The following MAD1L1 variants were observed in gnomAD, a reference collection of about 807,000 sequenced individuals.
The protein encoded by MAD1L1 is mitotic arrest deficient 1 like 1.
Under a neutral mutation model 96.9 loss-of-function variants are expected in MAD1L1, and 95 were observed. The ratio of observed to expected loss-of-function variants is 0.98; its 90% CI spans 0.83 to 1.16. MAD1L1 has a LOEUF of 1.16. Ranked by LOEUF, MAD1L1 falls within the 50% of genes most tolerant of loss-of-function variation. MAD1L1 has a pLI of 0.00. For missense variants in MAD1L1, 1,007 were observed against 954.4 expected, an observed-to-expected ratio of 1.06 and a Z score of -0.73; for synonymous variants, 473 against 396.6, an observed-to-expected ratio of 1.19 and a Z score of -2.29.
chr7:2,037,740 G>T (rs540193181), intron 12 of MAD1L1, among the ~76,000 whole-genome samples: 3 of 152,226 alleles, frequency 2.0e-5, no homozygotes, highest in African/African-American at 7.2e-5. Context: ...AACGCTGCTT[G>T]TGTCTGGCTG....
chr7:2,104,468 C>T (rs1786983003), intron 11 of MAD1L1, among the ~76,000 whole-genome samples: 2 of 152,356 alleles, frequency 1.3e-5, no homozygotes, highest in African/African-American at 4.8e-5. Context: ...CTGGTGCCTA[C>T]AGGGGGCGGC....
At chr7:2,003,029 T>C (rs1002461412) in intron 13 of MAD1L1, among the ~76,000 whole-genome samples, 10 of 150,966 alleles carry the variant, frequency 6.6e-5, no homozygotes, top group African/African-American at 9.7e-5. Context: ...GCAGGGGGCC[T>C]TGTGAGACCC....
At chr7:2,072,204 C>T (rs542723630) in intron 11 of MAD1L1, among the ~76,000 whole-genome samples, 1 of 152,346 alleles carries the variant, frequency 6.6e-6, no homozygotes, top group South Asian at 2.1e-4. Context: ...CAGAACAGAA[C>T]TGAGTGAGAC....
At chr7:1,942,759 C>A (rs1779060434) in intron 16 of MAD1L1, among the ~76,000 whole-genome samples, 1 of 152,184 alleles carries the variant, frequency 6.6e-6, no homozygotes, top group Non-Finnish European at 1.5e-5. Context: ...CTCAGCCGGC[C>A]TCCCTGAAGA....
At chr7:2,073,195 C>T (rs561272229) in intron 11 of MAD1L1, among the ~76,000 whole-genome samples, 12 of 152,314 alleles carry the variant, frequency 7.9e-5, no homozygotes, top group East Asian at 1.9e-4. Context: ...CATATCCCTC[C>T]GCCACTGCTT....
intron 12 of MAD1L1, among the ~76,000 whole-genome samples, chr7:2,061,567 G>A (rs374968378): frequency 1.9e-4 from 29 of 152,300 alleles, no homozygotes; most frequent in African/African-American, 6.7e-4. Flanking sequence ...GGAGGGACCA[G>A]CACCATCCAC....
At chr7:1,870,242 T>C (rs1562475086) in intron 18 of MAD1L1, among the ~76,000 whole-genome samples, 1 of 148,846 alleles carries the variant, frequency 6.7e-6, no homozygotes, top group African/African-American at 2.6e-5. Context: ...GAACCGACCA[T>C]AACACCTGCC....
chr7:2,220,897 C>T (rs1345306103), intron 5 of MAD1L1: 2 of 1,611,380 alleles, frequency 1.2e-6, no homozygotes, highest in East Asian at 2.2e-5. Flanking sequence ...GTGCCAGGGG[C>T]AAGGCCAGAT....
intron 16 of MAD1L1, among the ~76,000 whole-genome samples, chr7:1,940,758 G>A (rs769476514): frequency 1.3e-5 from 2 of 152,230 alleles, no homozygotes; most frequent in African/African-American, 2.4e-5. Context: ...GATAACCCGC[G>A]TGTGTCCCAA....
chr7:1,819,574 C>G (rs1782018579), intron 18 of MAD1L1, among the ~76,000 whole-genome samples: 1 of 152,196 alleles, frequency 6.6e-6, no homozygotes, highest in Admixed American at 6.5e-5. Flanking sequence ...GCCCGGCCCC[C>G]ATTCCAGCTC....
intron 18 of MAD1L1, among the ~76,000 whole-genome samples, chr7:1,855,773 C>T (rs1187246783): frequency 6.6e-6 from 1 of 152,202 alleles, no homozygotes; most frequent in Non-Finnish European, 1.5e-5. Context: ...TCACAGGCTC[C>T]ACCCCAACCC....
In MAD1L1 at chr7:2,222,752, A is replaced by T. The variant is rs1225618498; in HGVS notation, c.294T>A (p.Arg98=). 6.3e-7 allele frequency: 1 copy of T among 1,597,140 alleles called. No homozygotes were observed. Among genetic ancestry groups the T allele is most frequent in the South Asian group, 1.1e-5 (1 of 90,000 alleles). Reference sequence around the variant, plus strand: ...GGAGCTCCTGGTTGCGGTCGACCTCACGCTGTTAAGAGAGCAAGAGTCAGA... The same window carrying T: ...GGAGCTCCTGGTTGCGGTCGACCTCTCGCTGTTAAGAGAGCAAGAGTCAGA... The part of the protein sequence containing the change: ...AASTSARNYE[R]EVDRNQELLT... Residue 98 remains arginine (R), a splice_region_variant and synonymous_variant, in exon 5 of 19, where the codon CGT becomes CGA. Coordinates refer to ENST00000265854, the MANE Select transcript of MAD1L1 (RefSeq NM_001013836.2).
chr7:2,120,576 C>T (rs904935835), intron 11 of MAD1L1, among the ~76,000 whole-genome samples: 2 of 152,256 alleles, frequency 1.3e-5, no homozygotes, highest in East Asian at 1.9e-4. Context: ...CGTGCCCCCA[C>T]GGGTCTGACT....
rs768672125 is a variant in MAD1L1, at chr7:2,222,764, G to C, written c.292-10C>G. 3 of 1,578,660 alleles carry C rather than the reference G, an allele frequency of 1.9e-6. No homozygotes were observed. The highest frequency in any genetic ancestry group is 1.7e-6 in the Non-Finnish European group (2 of 1,165,910). ...TGCGGTCGACCTCACGCTGTTAAGA[G>C]AGCAAGAGTCAGATGCCACGTGCCG... On this transcript the variant is annotated splice_polypyrimidine_tract_variant and intron_variant, in intron 4 of 18. Coordinates refer to ENST00000265854, the MANE Select transcript of MAD1L1 (RefSeq NM_001013836.2).
At chr7:2,076,748 G>A (rs1366028027) in intron 11 of MAD1L1, among the ~76,000 whole-genome samples, 3 of 152,002 alleles carry the variant, frequency 2.0e-5, no homozygotes, top group South Asian at 2.1e-4. Flanking sequence ...TGGTGAGCCC[G>A]CAACATGGTG....
chr7:2,131,771 C>T (rs1016830003), intron 11 of MAD1L1, among the ~76,000 whole-genome samples: 1 of 152,190 alleles, frequency 6.6e-6, no homozygotes, highest in African/African-American at 2.4e-5. Context: ...CACCCTGGCC[C>T]GAGCTGGCTC....
chr7:1,931,562 CA>C (rs1444829909), intron 17 of MAD1L1, among the ~76,000 whole-genome samples: 1 of 152,222 alleles, frequency 6.6e-6, no homozygotes, highest in Non-Finnish European at 1.5e-5. Context: ...CTGGAATACA[CA>C]TTCTGTGGCT....
chr7:2,150,391 ACT>A (rs1423623740), intron 10 of MAD1L1, among the ~76,000 whole-genome samples: 1 of 151,868 alleles, frequency 6.6e-6, no homozygotes, highest in Non-Finnish European at 1.5e-5. Flanking sequence ...GCCCGACCAG[ACT>A]CTGCCCTGAG....
chr7:2,128,931 G>A (rs555950349), intron 11 of MAD1L1, among the ~76,000 whole-genome samples: 2 of 152,332 alleles, frequency 1.3e-5, no homozygotes, highest in East Asian at 3.9e-4. Flanking sequence ...CAGGGAGGAG[G>A]AGAAAAGCCA....
Sources: gnomAD v4.1 joint callset for allele counts (sites outside exome capture counted in the v4.1 genomes callset) on GRCh38, gnomAD v4.1.1 for gene constraint, MANE v1.5 for transcripts, NCBI Gene and HGNC (gene_info 2026-07-23, HGNC 2026-07-21) for gene names.